COBLL1: variants seen among roughly 807,000 people sequenced by gnomAD.
COBLL1 encodes the protein cordon-bleu protein-like 1.
A neutral mutation model predicts 94.8 loss-of-function variants in COBLL1; 50 were observed. The ratio of observed to expected loss-of-function variants is 0.53; its 90% CI spans 0.42 to 0.67. COBLL1 has a LOEUF of 0.67. Ranked by LOEUF, COBLL1 falls within the 30% of genes least tolerant of loss-of-function variation. The pLI is 0.00. For synonymous variants in COBLL1, 448 were observed against 473.8 expected, an observed-to-expected ratio of 0.95 and a Z score of 0.71; for missense variants, 1,362 against 1,348.7, an observed-to-expected ratio of 1.01 and a Z score of -0.15.
At chr2:164,834,495 G>A (rs906232010) in intron 2 of COBLL1, among the ~76,000 whole-genome samples, 3 of 152,154 alleles carry the variant, frequency 2.0e-5, no homozygotes, top group African/African-American at 7.2e-5. Context: ...ACTCCATACA[G>A]ATAATAATTT....
chr2:164,697,608 A>T (rs1684023813), intron 11 of COBLL1: 1 of 152,180 alleles, frequency 6.6e-6, no homozygotes, highest in Non-Finnish European at 1.5e-5. Context: ...CAAAAGAAAG[A>T]AAGTCAATGT....
At position 164,728,196 on chromosome 2, in the gene COBLL1, T is replaced by C; in HGVS notation, c.434A>G (p.Lys145Arg). ...KKKPTPIIPE[K>R]TVRVVINFKK... ...AAAATTAATCACTACTCTCACAGTT[T>C]TCTGAAACACATATTAAAGCCATAG... Residue 145 changes from lysine to arginine, a missense_variant and splice_region_variant, in exon 5 of 14, where the codon AAA (lysine) becomes AGA (arginine). Transcript: ENST00000652658. 1 of 1,594,346 alleles carries C rather than the reference T, an allele frequency of 6.3e-7. No individual in the cohort carries two copies.
At chr2:164,738,395 T>C (rs968057954) in intron 3 of COBLL1, 1 of 152,222 alleles carries the variant, frequency 6.6e-6, no homozygotes, top group African/African-American at 2.4e-5. Flanking sequence ...ATACAGATCA[T>C]ATACAAATGT....
chr2:164,692,106 G>A (rs1316913696), intron 13 of COBLL1, 115 bp downstream of exon 13: 17 of 853,114 alleles, frequency 2.0e-5, no homozygotes, highest in Non-Finnish European at 3.0e-5. Context: ...AGACACAGAA[G>A]AGTAACTTTG....
chr2:164,703,253 C>A (rs1452828913), intron 9 of COBLL1: 3 of 1,445,328 alleles, frequency 2.1e-6, no homozygotes, highest in Non-Finnish European at 2.9e-6. Context: ...AGAAATGGCA[C>A]TTAGACAACA....
At chr2:164,797,946 G>C (rs1275955097) in intron 2 of COBLL1, among the ~76,000 whole-genome samples, 1 of 152,130 alleles carries the variant, frequency 6.6e-6, no homozygotes, top group Non-Finnish European at 1.5e-5. Context: ...ATTACACTAA[G>C]CCAGAACATA....
At position 164,685,826 on chromosome 2, in the gene COBLL1, T is replaced by C. The variant is rs1683247745; in HGVS notation, c.*120A>G. ...TGGCATTAAAAGCCACAACACAAAT[T>C]CTAATATTTTAATAGATAATATATT... is the stretch of plus-strand genomic sequence containing the variant. On this transcript the variant is annotated 3_prime_UTR_variant, in exon 14 of 14. Coordinates refer to ENST00000652658, the MANE Select transcript of COBLL1 (RefSeq NM_001365672.2). The C allele has an allele frequency of 2.3e-6, 1 of 425,716 alleles. No homozygotes were observed. Among genetic ancestry groups the C allele is most frequent in the South Asian group, 1.1e-4 (1 of 9,270 alleles). The allele number at this position is 425,716 out of a possible 1,614,324, so 26.4% of individuals were successfully genotyped here.
intron 12 of COBLL1, among the ~76,000 whole-genome samples, chr2:164,693,190 T>G (rs932538045): frequency 1.3e-5 from 2 of 152,190 alleles, no homozygotes; most frequent in African/African-American, 4.8e-5. Context: ...TTCCATTGTT[T>G]AGGAATGGTA....
chr2:164,818,570 G>A (rs764164135), intron 2 of COBLL1, among the ~76,000 whole-genome samples: 1 of 146,156 alleles, frequency 6.8e-6, no homozygotes, highest in Non-Finnish European at 1.5e-5. Flanking sequence ...CACATATATA[G>A]CATATATGTA....
At chr2:164,706,324 A>C (rs1313341077) in intron 7 of COBLL1, among the ~76,000 whole-genome samples, 1 of 152,102 alleles carries the variant, frequency 6.6e-6, no homozygotes, top group Non-Finnish European at 1.5e-5. Flanking sequence ...CTCTCTGGCT[A>C]CTCAGTTTTC....
At chr2:164,793,902 A>G (rs1683311387) in intron 2 of COBLL1, among the ~76,000 whole-genome samples, 1 of 152,232 alleles carries the variant, frequency 6.6e-6, no homozygotes, top group Non-Finnish European at 1.5e-5. Context: ...AGTAATTTTC[A>G]GTTACAGATT....
chr2:164,665,335 AAAAAAAG>A (rs1337240757), intron 2 of COBLL1, among the ~76,000 whole-genome samples: 3 of 148,124 alleles, frequency 2.0e-5, no homozygotes, highest in Non-Finnish European at 4.5e-5. Context: ...TGTGTCAAAA[AAAAAAAG>A]AAAGAAAGAA....
chr2:164,727,891 C>T, intron 5 of COBLL1, 78 bp downstream of exon 5: 2 of 960,000 alleles, frequency 2.1e-6, no homozygotes, highest in Non-Finnish European at 3.2e-6. Context: ...CTTGAGAACA[C>T]CTTCACACAA....
At position 164,700,586 on chromosome 2, in the gene COBLL1, C is replaced by A. The variant is rs1574432041; in HGVS notation, c.1396G>T (p.Gly466Cys). ...KNDPDSALGN[G>C]SGEFSQNSME... ...GAGTTTTGTGAGAACTCTCCACTAC[C>A]ATTGCCAAGGGCTGAGTCAGGATCA... The change falls in exon 10 of 14, where the codon GGT (glycine) becomes TGT (cysteine). Residue 466 changes from glycine (G) to cysteine (C), a missense_variant. Gly to Cys is a radical substitution (Grantham distance 159, BLOSUM62 -3). Coordinates refer to ENST00000652658, the MANE Select transcript of COBLL1 (RefSeq NM_001365672.2). The A allele has an allele frequency of 6.2e-7, 1 of 1,613,840 alleles. No individual in the cohort carries two copies. The highest frequency in any genetic ancestry group is 2.2e-5 in the East Asian group (1 of 44,838).
chr2:164,773,472 A>G (rs1202688694), intron 2 of COBLL1, among the ~76,000 whole-genome samples: 6 of 152,128 alleles, frequency 3.9e-5, no homozygotes, highest in Admixed American at 2.6e-4. Flanking sequence ...ATCATTACAT[A>G]TACATTTAAT....
In COBLL1 at chr2:164,662,291, A is replaced by T. The variant is rs201803070; in HGVS notation, n.181+3556T>A. Among the ~76,000 whole-genome samples the T allele has an allele frequency of 2.0e-5, 3 of 152,252 alleles. No individual in the cohort carries two copies. The East Asian group carries it at 5.8e-4, about 29-fold the overall frequency. On this transcript the variant is annotated intron_variant and non_coding_transcript_variant, in intron 2 of 2. Coordinates refer to the COBLL1 transcript ENST00000495084. ...AATTTGTCTGAATGACCTTGAGGCTACTCAGCCTTGCTTAGTAAAGCATAA... is the reference window on the plus strand; with the variant it reads ...AATTTGTCTGAATGACCTTGAGGCTTCTCAGCCTTGCTTAGTAAAGCATAA...
At chr2:164,724,058 G>C (rs1299661004) in intron 5 of COBLL1, 1 of 152,294 alleles carries the variant, frequency 6.6e-6, no homozygotes, top group Non-Finnish European at 1.5e-5. Context: ...CTCCCAAAGT[G>C]CTAGGATTAC....
intron 1 of COBLL1, among the ~76,000 whole-genome samples, chr2:164,673,593 T>A (rs1053778886): frequency 2.0e-5 from 3 of 152,246 alleles, no homozygotes; most frequent in Non-Finnish European, 4.4e-5. Context: ...GAGAATCACT[T>A]GAACCCAGGA....
chr2:164,777,443 A>ATGC (rs1320622726), intron 2 of COBLL1, among the ~76,000 whole-genome samples: 2 of 151,994 alleles, frequency 1.3e-5, no homozygotes, highest in Non-Finnish European at 2.9e-5. Context: ...CTTCCTAAGG[A>ATGC]TGCTGCCTGC....
Sources: gnomAD v4.1 joint callset for allele counts (sites outside exome capture counted in the v4.1 genomes callset) on GRCh38, gnomAD v4.1.1 for gene constraint, MANE v1.5 for transcripts, NCBI Gene and HGNC (gene_info 2026-07-23, HGNC 2026-07-21) for gene names.